COBL: variants seen among roughly 807,000 people sequenced by gnomAD.
COBL encodes cordon-bleu WH2 repeat protein, also known as protein cordon-bleu.
A neutral mutation model predicts 98.8 loss-of-function variants in COBL; 51 were observed. That is an observed-to-expected ratio of 0.52 (90% CI 0.41 to 0.65). The LOEUF is 0.65. Among genes scored for constraint, COBL ranks in the 30% least tolerant of loss-of-function variants. The probability of loss-of-function intolerance (pLI) is 0.00; values close to 1 mark genes in which losing one functional copy is unlikely to be tolerated. For missense variants in COBL, 1,617 were observed against 1,617.5 expected, an observed-to-expected ratio of 1.00 and a Z score of 0.01; for synonymous variants, 634 against 651.7, an observed-to-expected ratio of 0.97 and a Z score of 0.41.
chr7:51,072,120 T>C (rs1269616090), intron 7 of COBL: 1 of 152,160 alleles, frequency 6.6e-6, no homozygotes, highest in East Asian at 1.9e-4. Flanking sequence ...GCAACAATCC[T>C]ACATGTCAGG....
chr7:51,269,228 T>A (rs970287859), intron 1 of COBL, among the ~76,000 whole-genome samples: 1 of 152,100 alleles, frequency 6.6e-6, no homozygotes, highest in Non-Finnish European at 1.5e-5. Flanking sequence ...AAAGCCCATG[T>A]GTTGGGGATC....
intron 6 of COBL, among the ~76,000 whole-genome samples, chr7:51,087,411 G>T (rs1794381695): frequency 6.6e-6 from 1 of 151,776 alleles, no homozygotes; most frequent in Non-Finnish European, 1.5e-5. Context: ...TTCTTTAATT[G>T]CATTTCCTGG....
rs77492678 is a variant in COBL, at chr7:51,298,742, T to G, written c.41+17851A>C. Among the ~76,000 whole-genome samples, 1,173 of 152,354 alleles carry G rather than the reference T, an allele frequency of 7.7e-3. 60 individuals are homozygous for G. The South Asian group carries it at 0.13, about 17-fold the overall frequency. ...TCACTGTTGACCCTGTCACTTCACATGCTGCATGAGTCTCATCCTACCTCA... is the reference window on the plus strand; with the variant it reads ...TCACTGTTGACCCTGTCACTTCACAGGCTGCATGAGTCTCATCCTACCTCA... On this transcript the variant is annotated intron_variant, in intron 1 of 12. Transcript: ENST00000265136.
At chr7:51,047,213 T>C (rs888343855) in intron 7 of COBL, among the ~76,000 whole-genome samples, 1 of 152,248 alleles carries the variant, frequency 6.6e-6, no homozygotes, top group Admixed American at 6.5e-5. Context: ...ACACTTACTT[T>C]GTCTTTCGCA....
intron 1 of COBL, among the ~76,000 whole-genome samples, chr7:51,252,652 A>G (rs1796828256): frequency 6.6e-6 from 1 of 152,234 alleles, no homozygotes; most frequent in South Asian, 2.1e-4. Flanking sequence ...ACAGAGGAGT[A>G]CAGGTGATTT....
chr7:51,109,371 T>A (rs940879804), intron 6 of COBL, among the ~76,000 whole-genome samples: 1 of 152,200 alleles, frequency 6.6e-6, no homozygotes, highest in Non-Finnish European at 1.5e-5. Context: ...TGGTTCTGCA[T>A]CATCATCTGC....
intron 2 of COBL, among the ~76,000 whole-genome samples, chr7:51,204,226 A>G (rs1385914422): frequency 6.6e-6 from 1 of 152,240 alleles, no homozygotes; most frequent in Non-Finnish European, 1.5e-5. Flanking sequence ...ATTTACTTCA[A>G]CATTATAAAA....
intron 1 of COBL, among the ~76,000 whole-genome samples, chr7:51,282,276 C>A (rs1336895356): frequency 6.6e-6 from 1 of 151,948 alleles, no homozygotes; most frequent in Middle Eastern, 3.2e-3. Context: ...TGTAAATGGT[C>A]TAAACAATCC....
chr7:51,267,426 C>T (rs528010433), intron 1 of COBL, among the ~76,000 whole-genome samples: 3 of 152,102 alleles, frequency 2.0e-5, no homozygotes, highest in East Asian at 1.9e-4. Flanking sequence ...CAGCCCCATC[C>T]GCAAAGACTT....
chr7:51,219,635 G>T, intron 2 of COBL, 106 bp downstream of exon 2: 1 of 1,233,592 alleles, frequency 8.1e-7, no homozygotes. Flanking sequence ...CCTGAGGTCA[G>T]ACCTGATGAG....
chr7:51,146,991 G>A (rs1263051626), intron 5 of COBL, among the ~76,000 whole-genome samples: 1 of 152,196 alleles, frequency 6.6e-6, no homozygotes, highest in Non-Finnish European at 1.5e-5. Flanking sequence ...GGAGCCAGCA[G>A]GGGGTTGCTC....
chr7:51,277,795 G>C (rs887616752), intron 1 of COBL, among the ~76,000 whole-genome samples: 10 of 152,174 alleles, frequency 6.6e-5, no homozygotes, highest in Non-Finnish European at 1.0e-4. Flanking sequence ...AGGGGGCACA[G>C]AGCCAGGTAA....
chr7:51,042,261 T>C (rs1002649922), intron 8 of COBL, among the ~76,000 whole-genome samples: 1 of 152,160 alleles, frequency 6.6e-6, no homozygotes, highest in Non-Finnish European at 1.5e-5. Flanking sequence ...AAAGAAAACA[T>C]TAATTAAGTT....
intron 1 of COBL, among the ~76,000 whole-genome samples, chr7:51,248,006 G>A (rs1050902413): frequency 3.3e-5 from 5 of 151,942 alleles, no homozygotes; most frequent in African/African-American, 9.7e-5. Flanking sequence ...GGGCATGGTG[G>A]TGCACGCCTA....
chr7:51,046,686 G>C (rs1452253296), intron 7 of COBL, among the ~76,000 whole-genome samples: 1 of 152,114 alleles, frequency 6.6e-6, no homozygotes, highest in African/African-American at 2.4e-5. Flanking sequence ...ACGTGGAGCT[G>C]CTTGGGCTGC....
Position 51,316,700 on chromosome 7 carries a change from A to ACCGCTGCCG in COBL, c.-76_-68dup, listed in dbSNP as rs1330339348. The ACCGCTGCCG allele has an allele frequency of 2.7e-6, 3 of 1,110,692 alleles. No homozygotes were observed. The highest frequency in any genetic ancestry group is 3.3e-5 in the African/African-American group (2 of 60,914). 68.8% of individuals were successfully genotyped at this position (1,110,692 alleles called of 1,614,324 possible). On this transcript the variant is annotated 5_prime_UTR_variant, in exon 1 of 13. Coordinates refer to ENST00000265136, the MANE Select transcript of COBL (RefSeq NM_015198.5). Reference sequence around the variant, plus strand: ...GAGTCAGGCGCTGGCTACCGCCGCCACCGCTGCCGCCCTCATTCACTTTTT... The same window carrying ACCGCTGCCG: ...GAGTCAGGCGCTGGCTACCGCCGCCACCGCTGCCGCCGCTGCCGCCCTCATTCACTTTTT...
chr7:51,075,232 C>G (rs1254379590), intron 7 of COBL, among the ~76,000 whole-genome samples: 1 of 152,150 alleles, frequency 6.6e-6, no homozygotes, highest in Non-Finnish European at 1.5e-5. Context: ...TATTACATTT[C>G]CCAATCACTG....
At chr7:51,306,661 G>C (rs1299494920) in intron 1 of COBL, among the ~76,000 whole-genome samples, 2 of 152,136 alleles carry the variant, frequency 1.3e-5, no homozygotes, top group Non-Finnish European at 2.9e-5. Flanking sequence ...AGCAACAGCT[G>C]AGTTTGGTCC....
At chr7:51,305,438 T>A (rs1247808737) in intron 1 of COBL, among the ~76,000 whole-genome samples, 1 of 152,186 alleles carries the variant, frequency 6.6e-6, no homozygotes, top group Non-Finnish European at 1.5e-5. Flanking sequence ...AGATACCTCA[T>A]CTACAAAGCA....
Sources: gnomAD v4.1 joint callset for allele counts (sites outside exome capture counted in the v4.1 genomes callset) on GRCh38, gnomAD v4.1.1 for gene constraint, MANE v1.5 for transcripts, NCBI Gene and HGNC (gene_info 2026-07-23, HGNC 2026-07-21) for gene names.